CPPED1: variants seen among roughly 807,000 people sequenced by gnomAD.
The protein encoded by CPPED1 is calcineurin like phosphoesterase domain containing 1.
A neutral mutation model predicts 28.0 loss-of-function variants in CPPED1; 28 were observed. The observed-to-expected ratio is 1.00, with a 90% CI of 0.74 to 1.37. The LOEUF (loss-of-function observed/expected upper bound fraction) is 1.37. Ranked by LOEUF, CPPED1 falls within the 40% of genes most tolerant of loss-of-function variation. The pLI is 0.00. For missense variants in CPPED1, 504 were observed against 416.5 expected, an observed-to-expected ratio of 1.21 and a Z score of -1.83; for synonymous variants, 198 against 180.2, an observed-to-expected ratio of 1.10 and a Z score of -0.79.
rs944256792 is a variant in CPPED1 at position 12,682,367 on chromosome 16, C to G, written c.716-17252G>C. On this transcript the variant is annotated intron_variant, in intron 3 of 3. Coordinates refer to ENST00000381774, the MANE Select transcript of CPPED1 (RefSeq NM_018340.3). This position sits in a 1 kb window ranked among gnomAD's most constrained non-coding sequence, Gnocchi z 6.1. ...TTACTTTTCTACATGGGGGGCTATG[C>G]TCAACTTTTTATTTTTTCCCCTTCC... Among the ~76,000 whole-genome samples the G allele has an allele frequency of 3.9e-5, 6 of 152,158 alleles. No individual in the cohort carries two copies. The highest frequency in any genetic ancestry group is 7.3e-5 in the Non-Finnish European group (5 of 68,028).
chr16:12,686,882 T>A (rs554407169), intron 3 of CPPED1, among the ~76,000 whole-genome samples: 2,274 of 152,318 alleles, frequency 0.015, 48 homozygotes, highest in African/African-American at 0.051. Context: ...GCATAATTTT[T>A]TTTTTGAAAA....
Position 12,803,707 on chromosome 16 carries a change from C to G in CPPED1, c.70G>C (p.Glu24Gln). The G allele has an allele frequency of 6.3e-7, 1 of 1,576,958 alleles. No individual in the cohort carries two copies. The highest frequency in any genetic ancestry group is 8.6e-7 in the Non-Finnish European group (1 of 1,163,676). The change falls in exon 1 of 4, where the codon GAA (glutamate) becomes CAA (glutamine). Residue 24 changes from glutamate to glutamine, a missense_variant and splice_region_variant. Coordinates refer to ENST00000381774, the MANE Select transcript of CPPED1 (RefSeq NM_018340.3). Reference sequence around the variant, plus strand: ...TCCCCGGGTGAGGGGCGGGCAGTACCTGCGGGAAACGCGGCCAGGGTCCTG... The same window carrying G: ...TCCCCGGGTGAGGGGCGGGCAGTACGTGCGGGAAACGCGGCCAGGGTCCTG... ...RGRTLAAFPAEKESEWKGPFY... is the reference protein window; with the variant it reads ...RGRTLAAFPAQKESEWKGPFY...
intron 1 of CPPED1, among the ~76,000 whole-genome samples, chr16:12,800,005 G>T (rs1417513742): frequency 6.6e-6 from 1 of 152,184 alleles, no homozygotes; most frequent in Non-Finnish European, 1.5e-5. Context: ...CAGGGGAGCT[G>T]CTCTCTGATC....
At chr16:12,719,695 A>G (rs896969037) in intron 2 of CPPED1, among the ~76,000 whole-genome samples, 3 of 152,136 alleles carry the variant, frequency 2.0e-5, no homozygotes, top group Non-Finnish European at 4.4e-5. Flanking sequence ...AGCACTTTGG[A>G]AGGCCAAGGC....
chr16:12,751,029 A>C (rs539728927), intron 2 of CPPED1, among the ~76,000 whole-genome samples: 1 of 152,152 alleles, frequency 6.6e-6, no homozygotes, highest in Non-Finnish European at 1.5e-5. Context: ...ATGATGCTGG[A>C]TGCATGGTTG....
intron 3 of CPPED1, among the ~76,000 whole-genome samples, chr16:12,699,790 T>A (rs1240114978): frequency 1.3e-5 from 2 of 152,140 alleles, no homozygotes; most frequent in Non-Finnish European, 2.9e-5. Flanking sequence ...GGAATAATAT[T>A]GCCATGGGGG....
intron 1 of CPPED1, among the ~76,000 whole-genome samples, chr16:12,782,348 G>C (rs368138776): frequency 2.0e-5 from 3 of 152,258 alleles, no homozygotes; most frequent in East Asian, 3.9e-4. Context: ...AAAGAAGCTT[G>C]CTCTTACAGA....
intron 2 of CPPED1, among the ~76,000 whole-genome samples, chr16:12,745,072 A>AG (rs79418813): frequency 0.024 from 3,593 of 152,260 alleles, 121 homozygotes; most frequent in East Asian, 0.16. Flanking sequence ...GGAAATATAG[A>AG]GGGGGAAAAG....
At chr16:12,762,454 T>C (rs1325620624) in intron 2 of CPPED1, among the ~76,000 whole-genome samples, 5 of 152,216 alleles carry the variant, frequency 3.3e-5, no homozygotes, top group African/African-American at 1.2e-4. Flanking sequence ...ATTTATCTCA[T>C]AGTATAATAA....
chr16:12,744,953 C>T (rs987155271), intron 2 of CPPED1, among the ~76,000 whole-genome samples: 4 of 152,196 alleles, frequency 2.6e-5, no homozygotes, highest in Non-Finnish European at 5.9e-5. Context: ...CACTACTGAA[C>T]TCCAGCCTTG....
At chr16:12,791,137 C>A (rs2080594160) in intron 1 of CPPED1, among the ~76,000 whole-genome samples, 1 of 151,094 alleles carries the variant, frequency 6.6e-6, no homozygotes, top group African/African-American at 2.4e-5. Context: ...CCATGGTGGT[C>A]TGCTGCCCCA....
intron 1 of CPPED1, among the ~76,000 whole-genome samples, chr16:12,782,391 A>G (rs138647340): frequency 1.8e-3 from 267 of 152,256 alleles, no homozygotes; most frequent in African/African-American, 6.3e-3. Flanking sequence ...CCAGAGCCAG[A>G]TCTGGGGCTG....
At position 12,744,294 on chromosome 16, in the gene CPPED1, G is replaced by GAA. The variant is rs1555488298; in HGVS notation, c.289+36890_289+36891insTT. On this transcript the variant is annotated intron_variant, in intron 2 of 3. Transcript: ENST00000381774. Reference sequence around the variant, plus strand: ...AAAGAGAGAGAGAGAGAGAGAGAGAGAGAAAGCAAGCAAGCAAGCAAGCAA... The same window carrying GAA: ...AAAGAGAGAGAGAGAGAGAGAGAGAGAAAGAAAGCAAGCAAGCAAGCAAGCAA... Among the ~76,000 whole-genome samples the GAA allele has an allele frequency of 2.1e-3, 158 of 76,412 alleles. 1 individual carries two copies. The highest frequency in any genetic ancestry group is 0.013 in the Middle Eastern group (2 of 152). 50.1% of individuals were successfully genotyped at this position (76,412 alleles called of 152,430 possible). A position where few individuals can be genotyped will look rare whatever the true frequency, so the allele number is the denominator to read the frequency against.
chr16:12,729,845 C>T (rs985291925), intron 2 of CPPED1, among the ~76,000 whole-genome samples: 4 of 152,188 alleles, frequency 2.6e-5, no homozygotes, highest in Non-Finnish European at 5.9e-5. Context: ...GGACAAGTAG[C>T]AATGGGCTTA....
intron 1 of CPPED1, among the ~76,000 whole-genome samples, chr16:12,789,347 T>A (rs2080582748): frequency 6.6e-6 from 1 of 152,156 alleles, no homozygotes; most frequent in Admixed American, 6.6e-5. Flanking sequence ...GAAAATACAT[T>A]GACTGAAATC....
chr16:12,668,499 C>T (rs1444961682), intron 3 of CPPED1, among the ~76,000 whole-genome samples: 1 of 152,170 alleles, frequency 6.6e-6, no homozygotes, highest in African/African-American at 2.4e-5. Context: ...AACTAAACTT[C>T]ATCAAAATTA....
chr16:12,727,659 T>G (rs2080177044), intron 2 of CPPED1, among the ~76,000 whole-genome samples: 1 of 152,214 alleles, frequency 6.6e-6, no homozygotes, highest in African/African-American at 2.4e-5. Flanking sequence ...GAAAGCCATC[T>G]GAATTCAAAC....
intron 1 of CPPED1, among the ~76,000 whole-genome samples, chr16:12,783,995 GCCTCCTGATATTCACATC>G (rs2080547952): frequency 1.3e-5 from 2 of 148,412 alleles, no homozygotes; most frequent in South Asian, 4.1e-4. Flanking sequence ...CCAAATCCCT[GCCTCCTGATATTCACATC>G]CCTGTGCAAC....
intron 1 of CPPED1, among the ~76,000 whole-genome samples, chr16:12,786,170 C>T (rs2080562059): frequency 6.6e-6 from 1 of 152,194 alleles, no homozygotes. Flanking sequence ...CAGCCTTATT[C>T]CTCCAGGTGT....
Sources: allele counts gnomAD v4.1 joint callset (sites outside exome capture counted in the v4.1 genomes callset), GRCh38; gene constraint gnomAD v4.1.1; non-coding constraint Gnocchi (gnomAD v3.1); transcripts MANE v1.5; gene names NCBI Gene and HGNC (gene_info 2026-07-23, HGNC 2026-07-21).